IGSF10: variants seen among roughly 807,000 people sequenced by gnomAD.
The protein encoded by IGSF10 is immunoglobulin superfamily member 10.
In IGSF10, 126 loss-of-function variants were observed where a neutral mutation model predicts 128.2. The ratio of observed to expected loss-of-function variants is 0.98; its 90% CI spans 0.85 to 1.14. The LOEUF is 1.14. IGSF10 is among the 50% of genes most tolerant of loss of function. The pLI is 0.00. For missense variants in IGSF10, 3,295 were observed against 3,149.8 expected (o/e 1.05, Z -1.10); for synonymous variants, 1,185 against 1,146.2 (o/e 1.03, Z -0.68).
At chr3:151,530,693 T>C in the IGSF10 span, among the ~76,000 whole-genome samples, 1 of 152,172 alleles carries the variant, frequency 6.6e-6, no homozygotes, top group East Asian at 1.9e-4. Flanking sequence ...CAGGCCTGCC[T>C]TACAAGAGCT....
the IGSF10 span, among the ~76,000 whole-genome samples, chr3:151,516,917 G>C: frequency 5.9e-5 from 9 of 152,036 alleles, no homozygotes; most frequent in African/African-American, 2.2e-4. Flanking sequence ...TTGACAGAGA[G>C]GGTGTTTTTC....
At chr3:151,518,566 A>G in the IGSF10 span, among the ~76,000 whole-genome samples, 9 of 152,054 alleles carry the variant, frequency 5.9e-5, no homozygotes, top group Admixed American at 3.9e-4. Flanking sequence ...GCAGTAATGC[A>G]GTACACATCC....
At chr3:151,552,022 T>C in the IGSF10 span, among the ~76,000 whole-genome samples, 1 of 152,148 alleles carries the variant, frequency 6.6e-6, no homozygotes, top group Non-Finnish European at 1.5e-5. Context: ...TGAATTGTAA[T>C]CCCCAGTGTT....
At chr3:151,589,321 T>C in the IGSF10 span, among the ~76,000 whole-genome samples, 1 of 152,230 alleles carries the variant, frequency 6.6e-6, no homozygotes, top group African/African-American at 2.4e-5. Flanking sequence ...TCAGCCATTC[T>C]GAGAGCGGCA....
chr3:151,508,866 G>A, the IGSF10 span, among the ~76,000 whole-genome samples: 1 of 152,092 alleles, frequency 6.6e-6, no homozygotes, highest in Non-Finnish European at 1.5e-5. Flanking sequence ...TTTCAAAATT[G>A]TATGGGATTT....
At chr3:151,440,236 C>T (rs1180902944) in intron 7 of IGSF10, among the ~76,000 whole-genome samples, 1 of 152,080 alleles carries the variant, frequency 6.6e-6, no homozygotes, top group Non-Finnish European at 1.5e-5. Flanking sequence ...CACTGTGTTG[C>T]CAAGGCTGGT....
chr3:151,565,852 C>T, the IGSF10 span: 1 of 151,908 alleles, frequency 6.6e-6, no homozygotes, highest in Non-Finnish European at 1.5e-5. Context: ...GCTATGATTC[C>T]TGTATTAATT....
chr3:151,527,690 C>T, the IGSF10 span, among the ~76,000 whole-genome samples: 5 of 152,120 alleles, frequency 3.3e-5, no homozygotes, highest in Admixed American at 6.5e-5. Flanking sequence ...TGGCTCATGC[C>T]TATAATCCCA....
At chr3:151,442,917 TCCA>T in intron 7 of IGSF10, 64 bp downstream of exon 7, 2 of 1,430,202 alleles carry the variant, frequency 1.4e-6, no homozygotes, top group Admixed American at 2.1e-5. Context: ...TGTCACTTTT[TCCA>T]TTTCAGAAGT....
chr3:151,497,025 TG>T, the IGSF10 span, among the ~76,000 whole-genome samples: 115 of 152,310 alleles, frequency 7.6e-4, no homozygotes, highest in African/African-American at 2.7e-3. Flanking sequence ...TTGATAGGGT[TG>T]TTTTTTTCTT....
the IGSF10 span, among the ~76,000 whole-genome samples, chr3:151,517,632 C>T: frequency 6.6e-6 from 1 of 151,904 alleles, no homozygotes; most frequent in East Asian, 1.9e-4. Context: ...GGCACTAAGG[C>T]CCTATGTTTT....
At chr3:151,520,857 G>T in the IGSF10 span, among the ~76,000 whole-genome samples, 1 of 151,772 alleles carries the variant, frequency 6.6e-6, no homozygotes, top group African/African-American at 2.4e-5. Flanking sequence ...CACAATGACA[G>T]AATCAAATCC....
At chr3:151,474,282 T>G in the IGSF10 span, among the ~76,000 whole-genome samples, 1 of 152,168 alleles carries the variant, frequency 6.6e-6, no homozygotes, top group Non-Finnish European at 1.5e-5. Flanking sequence ...AAAAGGTGGG[T>G]GATACTGCTG....
At chr3:151,481,939 A>C in the IGSF10 span, among the ~76,000 whole-genome samples, 29 of 152,328 alleles carry the variant, frequency 1.9e-4, no homozygotes, top group African/African-American at 6.5e-4. Flanking sequence ...GCTAACATTG[A>C]TCACAGCCAA....
At chr3:151,559,540 A>G in the IGSF10 span, among the ~76,000 whole-genome samples, 1 of 152,176 alleles carries the variant, frequency 6.6e-6, no homozygotes, top group Non-Finnish European at 1.5e-5. Context: ...GGTTGTATTG[A>G]TAATTTTGTA....
chr3:151,602,042 T>C, the IGSF10 span, among the ~76,000 whole-genome samples: 1 of 152,130 alleles, frequency 6.6e-6, no homozygotes, highest in Non-Finnish European at 1.5e-5. Context: ...TTTTTGCTTT[T>C]ATCAGTGTTA....
the IGSF10 span, among the ~76,000 whole-genome samples, chr3:151,507,033 G>A: frequency 6.6e-6 from 1 of 152,166 alleles, no homozygotes; most frequent in Non-Finnish European, 1.5e-5. Context: ...GTGAGCTTAT[G>A]GCTTTGGTTT....
chr3:151,510,914 A>G, the IGSF10 span, among the ~76,000 whole-genome samples: 8 of 152,036 alleles, frequency 5.3e-5, no homozygotes, highest in Non-Finnish European at 7.4e-5. Context: ...AGTTTAGAGA[A>G]AAAAGAATAA....
At chr3:151,532,467 A>C in the IGSF10 span, among the ~76,000 whole-genome samples, 118 of 152,336 alleles carry the variant, frequency 7.7e-4, 1 homozygote, top group African/African-American at 2.7e-3. Context: ...TACATCAAAA[A>C]GCTTATCCAC....
Sources: gnomAD v4.1 joint callset for allele counts (sites outside exome capture counted in the v4.1 genomes callset) on GRCh38, gnomAD v4.1.1 for gene constraint, MANE v1.5 for transcripts, NCBI Gene and HGNC (gene_info 2026-07-23, HGNC 2026-07-21) for gene names.